Variants in TSHZ1 observed in about 807,000 individuals in gnomAD.
The protein encoded by TSHZ1 is teashirt homolog 1.
In TSHZ1, 12 loss-of-function variants were observed where a neutral mutation model predicts 67.1. The ratio of observed to expected loss-of-function variants is 0.18; its 90% CI spans 0.11 to 0.29. TSHZ1 has a LOEUF of 0.29. TSHZ1 is among the 10% of genes least tolerant of loss of function. The pLI is 1.00. For missense variants in TSHZ1, 1,305 were observed against 1,413.9 expected (o/e 0.92, Z 1.23); for synonymous variants, 632 against 622.4 (o/e 1.02, Z -0.23).
intron 1 of TSHZ1, among the ~76,000 whole-genome samples, chr18:75,244,873 T>C (rs1304361293): frequency 6.6e-6 from 1 of 152,182 alleles, no homozygotes; most frequent in Admixed American, 6.5e-5. Context: ...CACGACCGTT[T>C]GACCGAATTC....
chr18:75,268,828 A>T (rs1019221748), intron 1 of TSHZ1, among the ~76,000 whole-genome samples: 33 of 152,322 alleles, frequency 2.2e-4, no homozygotes, highest in African/African-American at 7.7e-4. Context: ...ATTCTTACTG[A>T]TTTAAAGGGA....
At position 75,237,791 on chromosome 18, in the gene TSHZ1, CATTT is replaced by C. The variant is rs1555726446; in HGVS notation, c.40+25908_40+25911del. ...AATTAGACTGAAGCCTTCTTTCTTT[CATTT>C]ATTTATTTATTTATTTATTTATTTA... On this transcript the variant is annotated intron_variant, in intron 1 of 1. Coordinates refer to ENST00000580243, the MANE Select transcript of TSHZ1 (RefSeq NM_001308210.2). Among the ~76,000 whole-genome samples the C allele has an allele frequency of 8.6e-3, 1,239 of 143,546 alleles. 12 individuals are homozygous for C. The highest frequency in any genetic ancestry group is 0.031 in the African/African-American group (1,124 of 36,604). The allele number at this position is 143,546 out of a possible 152,430, so 94.2% of individuals were successfully genotyped here. A position where few individuals can be genotyped will look rare whatever the true frequency, so the allele number is the denominator to read the frequency against.
At chr18:75,272,182 A>G (rs1300910353) in intron 1 of TSHZ1, among the ~76,000 whole-genome samples, 1 of 152,248 alleles carries the variant, frequency 6.6e-6, no homozygotes, top group Non-Finnish European at 1.5e-5. Flanking sequence ...CCTAATGAGA[A>G]TGCTCGGATG....
intron 1 of TSHZ1, chr18:75,280,797 T>C: frequency 2.0e-6 from 2 of 985,296 alleles, no homozygotes; most frequent in Non-Finnish European, 2.4e-6. Context: ...GTCACAGCTC[T>C]ATGAGGAGGA....
intron 1 of TSHZ1, among the ~76,000 whole-genome samples, chr18:75,236,905 C>T (rs763865546): frequency 6.6e-6 from 1 of 152,128 alleles, no homozygotes; most frequent in Non-Finnish European, 1.5e-5. Flanking sequence ...AAGTTAAGCC[C>T]AGGAAGGTCT....
chr18:75,288,594 T>C lies in TSHZ1; in HGVS notation c.3187T>C (p.Ser1063Pro), dbSNP rs1280948200. The C allele has an allele frequency of 3.1e-6, 5 of 1,612,114 alleles. No individual in the cohort carries two copies. The highest frequency in any genetic ancestry group is 1.7e-5 in the Admixed American group (1 of 59,760). The change falls in exon 2 of 2, where the codon TCT becomes CCT. Residue 1063 changes from serine (S) to proline (P), a missense_variant. By Grantham distance (74) the Ser-to-Pro change is moderately conservative. Coordinates refer to ENST00000580243, the MANE Select transcript of TSHZ1 (RefSeq NM_001308210.2). The surrounding 1 kb of genome is among the most constrained non-coding windows in gnomAD (Gnocchi z 4.9). The part of the protein sequence containing the change: ...KLHLSKTHGK[S>P]PEDHLIYVTE... ...GCACCTTAGTAAGACCCACGGCAAG[T>C]CTCCCGAGGACCACCTGATCTATGT...
chr18:75,237,824 A>AT lies in TSHZ1; in HGVS notation c.40+25913dup, dbSNP rs1006712356. 5.1e-4 allele frequency among the ~76,000 whole-genome samples: 77 copies of AT among 150,826 alleles called. 2 individuals are homozygous for AT. Among genetic ancestry groups the AT allele is most frequent in the Admixed American group, 3.5e-3 (53 of 15,166 alleles). ...TATTTATTTATTTATTTATTTATTT[A>AT]TTTTTGAGACGGGGTTTCACTCTTG... On this transcript the variant is annotated intron_variant, in intron 1 of 1. Transcript: ENST00000580243.
chr18:75,216,996 T>C (rs1284940579), intron 1 of TSHZ1, among the ~76,000 whole-genome samples: 1 of 152,226 alleles, frequency 6.6e-6, no homozygotes, highest in East Asian at 1.9e-4. Flanking sequence ...TGATCATGTA[T>C]AGTAAATGCT....
chr18:75,250,882 C>T (rs1336139751), intron 1 of TSHZ1, among the ~76,000 whole-genome samples: 2 of 152,136 alleles, frequency 1.3e-5, no homozygotes, highest in Non-Finnish European at 2.9e-5. Flanking sequence ...CTGCAGCCGA[C>T]GAAGGGTGGT....
chr18:75,253,086 T>C (rs1446923728), intron 1 of TSHZ1, among the ~76,000 whole-genome samples: 1 of 152,254 alleles, frequency 6.6e-6, no homozygotes, highest in Non-Finnish European at 1.5e-5. Flanking sequence ...AAATCTTATT[T>C]GCTACTATTA....
intron 1 of TSHZ1, among the ~76,000 whole-genome samples, chr18:75,246,403 G>GGTGTGTATGTGTGTGT (rs2023222879): frequency 9.2e-6 from 1 of 108,372 alleles, no homozygotes; most frequent in Non-Finnish European, 1.9e-5. Context: ...TTTGGTTTCT[G>GGTGTGTATGTGTGTGT]GTGTGTGTGT....
At chr18:75,278,483 CTG>C (rs1295825599) in intron 1 of TSHZ1, among the ~76,000 whole-genome samples, 1 of 152,168 alleles carries the variant, frequency 6.6e-6, no homozygotes, top group African/African-American at 2.4e-5. Flanking sequence ...AAATGAAACT[CTG>C]TTGATTTTCA....
rs964040961 is a variant in TSHZ1, at chr18:75,230,710, A to G, written c.40+18794A>G. 8.5e-5 allele frequency among the ~76,000 whole-genome samples: 13 copies of G among 152,128 alleles called. No individual in the cohort carries two copies. In the East Asian group the frequency reaches 2.5e-3, roughly 29 times the overall value. ...ACATCATGCGTGCGAAATTAAAGAG[A>G]CGTCGTCTTCTTCCCCGATTCCCCT... On this transcript the variant is annotated intron_variant, in intron 1 of 1. Transcript: ENST00000580243.
At position 75,288,095 on chromosome 18, in the gene TSHZ1, C is replaced by A; in HGVS notation, c.2688C>A (p.His896Gln). 1 of 1,613,582 alleles carries A rather than the reference C, an allele frequency of 6.2e-7. No individual in the cohort carries two copies. The highest frequency in any genetic ancestry group is 8.5e-7 in the Non-Finnish European group (1 of 1,179,984). ...KGRQSNWNPQ[H>Q]LLILQAQFAS... ...GGCAGTCCAACTGGAACCCGCAGCA[C>A]CTTCTCATCCTGCAGGCCCAGTTCG... The change falls in exon 2 of 2, where the codon CAC (histidine) becomes CAA (glutamine). Residue 896 changes from histidine (H) to glutamine (Q), a missense_variant. Transcript: ENST00000580243. This position sits in a 1 kb window ranked among gnomAD's most constrained non-coding sequence, Gnocchi z 4.9.
In TSHZ1 at chr18:75,251,419, T is replaced by G. The variant is rs1448726996; in HGVS notation, c.41-34029T>G. Among the ~76,000 whole-genome samples, 7 of 152,118 alleles carry G rather than the reference T, an allele frequency of 4.6e-5. No individual in the cohort carries two copies. The East Asian group carries it at 1.4e-3, about 29-fold the overall frequency. ...GGGAGGATGGTAGTATTTATTGGCT[T>G]GCTTTTTCACTCACTAAATGGTGAA... On this transcript the variant is annotated intron_variant, in intron 1 of 1. Coordinates refer to ENST00000580243, the MANE Select transcript of TSHZ1 (RefSeq NM_001308210.2).
chr18:75,221,693 G>A (rs1187659975), intron 1 of TSHZ1, among the ~76,000 whole-genome samples: 1 of 152,196 alleles, frequency 6.6e-6, no homozygotes, highest in African/African-American at 2.4e-5. Flanking sequence ...AGTAAACTGT[G>A]TAATACTCTA....
In TSHZ1 at chr18:75,218,102, CA is replaced by C. The variant is rs2022796638; in HGVS notation, c.40+6190del. 2.0e-5 allele frequency among the ~76,000 whole-genome samples: 3 copies of C among 152,202 alleles called. No individual in the cohort carries two copies. The South Asian group carries it at 6.2e-4, about 32-fold the overall frequency. On this transcript the variant is annotated intron_variant, in intron 1 of 1. Transcript: ENST00000580243. ...ATATTAGGAAGGGATTAACTGCTAC[CA>C]AAACCCAGGTTTCAAACAAAAGCCA...
intron 1 of TSHZ1, among the ~76,000 whole-genome samples, chr18:75,213,683 A>G (rs1313122727): frequency 6.6e-6 from 1 of 152,094 alleles, no homozygotes; most frequent in Non-Finnish European, 1.5e-5. Flanking sequence ...GTGCATGGTA[A>G]TCCATCCTGG....
chr18:75,286,065 C>A lies in TSHZ1; in HGVS notation c.658C>A (p.Pro220Thr). The change falls in exon 2 of 2, where the codon CCC becomes ACC. Residue 220 changes from proline (P) to threonine (T), a missense_variant. This residue lies in a region of TSHZ1 where 358 missense variants were observed against 375.6 expected (regional missense o/e 0.95). Transcript: ENST00000580243. The surrounding 1 kb of genome is among the most constrained non-coding windows in gnomAD (Gnocchi z 5.1). ...GTCCTCGTATGGGCTGCTTCCTGAGCCCAGCCTGTTCAGCACCGTGCAGCT... is the reference window on the plus strand; with the variant it reads ...GTCCTCGTATGGGCTGCTTCCTGAGACCAGCCTGTTCAGCACCGTGCAGCT... Reference protein sequence around the residue: ...QTSSYGLLPEPSLFSTVQLYR... With the variant: ...QTSSYGLLPETSLFSTVQLYR... 1 of 1,613,384 alleles carries A rather than the reference C, an allele frequency of 6.2e-7. No homozygotes were observed. Among genetic ancestry groups the A allele is most frequent in the African/African-American group, 1.3e-5 (1 of 74,998 alleles).
Sources: gnomAD v4.1 joint callset for allele counts (sites outside exome capture counted in the v4.1 genomes callset) on GRCh38, gnomAD v4.1.1 for gene constraint, gnomAD v4.1.1 regional missense constraint, Gnocchi (gnomAD v3.1) non-coding constraint, MANE v1.5 for transcripts, NCBI Gene and HGNC (gene_info 2026-07-23, HGNC 2026-07-21) for gene names.